The following CTNNA3 variants were observed in gnomAD, a reference collection of about 807,000 sequenced individuals.
CTNNA3 encodes the protein catenin alpha-3.
CTNNA3 carries 76 observed loss-of-function variants against 95.7 expected under a neutral mutation model. That is an observed-to-expected ratio of 0.79 (90% CI 0.66 to 0.96). The LOEUF (loss-of-function observed/expected upper bound fraction) is 0.96. CTNNA3 is among the 40% of genes least tolerant of loss of function. CTNNA3 has a pLI of 0.00. For synonymous variants in CTNNA3, 431 were observed against 374.4 expected (o/e 1.15, Z -1.74); for missense variants, 1,191 against 1,089.8 (o/e 1.09, Z -1.31).
At chr10:66,610,317 T>G (rs1372052575) in intron 10 of CTNNA3, among the ~76,000 whole-genome samples, 4 of 152,082 alleles carry the variant, frequency 2.6e-5, no homozygotes, top group African/African-American at 9.7e-5. Flanking sequence ...AACCCGCACA[T>G]GTACCCCTGA....
At chr10:67,641,422 C>G (rs1196861352) in intron 2 of CTNNA3, among the ~76,000 whole-genome samples, 2 of 152,152 alleles carry the variant, frequency 1.3e-5, no homozygotes, top group East Asian at 1.9e-4. Context: ...CTGTAAACTA[C>G]TTCAACCATT....
chr10:66,087,449 G>A (rs1363107851), intron 14 of CTNNA3, among the ~76,000 whole-genome samples: 1 of 152,130 alleles, frequency 6.6e-6, no homozygotes, highest in African/African-American at 2.4e-5. Flanking sequence ...GACCAGAGAT[G>A]CTGCTAAACA....
intron 7 of CTNNA3, among the ~76,000 whole-genome samples, chr10:67,071,063 A>G (rs981230801): frequency 6.6e-6 from 1 of 152,006 alleles, no homozygotes; most frequent in African/African-American, 2.4e-5. Flanking sequence ...TTCATTTATC[A>G]CTTCTTACTT....
At chr10:66,103,270 A>T in intron 13 of CTNNA3, 21 bp from the exon 14 acceptor site, 3 of 1,566,618 alleles carry the variant, frequency 1.9e-6, no homozygotes, top group Non-Finnish European at 2.6e-6. Flanking sequence ...AAAGCAAAAC[A>T]TTGCTAGTGG....
chr10:67,096,429 C>A (rs927051038), intron 7 of CTNNA3, among the ~76,000 whole-genome samples: 1 of 151,754 alleles, frequency 6.6e-6, no homozygotes, highest in African/African-American at 2.4e-5. Flanking sequence ...CTAATCTCAG[C>A]TAAGATCAGA....
intron 2 of CTNNA3, among the ~76,000 whole-genome samples, chr10:67,632,126 CCACACACACACACACACACACA>C (rs71006156): frequency 7.2e-6 from 1 of 138,964 alleles, no homozygotes; most frequent in Non-Finnish European, 1.6e-5. Flanking sequence ...AGTGTCTTAG[CCACACACACACACACACACACA>C]CACACACACA....
At chr10:66,807,973 C>A (rs1414496769) in intron 7 of CTNNA3, among the ~76,000 whole-genome samples, 1 of 152,036 alleles carries the variant, frequency 6.6e-6, no homozygotes, top group Non-Finnish European at 1.5e-5. Flanking sequence ...TGGTTCTAGC[C>A]TCAGTATGCT....
At chr10:66,545,668 G>C (rs1160981351) in intron 10 of CTNNA3, among the ~76,000 whole-genome samples, 1 of 151,906 alleles carries the variant, frequency 6.6e-6, no homozygotes, top group Non-Finnish European at 1.5e-5. Flanking sequence ...GAGTATTTTT[G>C]ATATTTCACA....
At chr10:66,176,812 T>C (rs1278940071) in intron 13 of CTNNA3, among the ~76,000 whole-genome samples, 2 of 152,030 alleles carry the variant, frequency 1.3e-5, no homozygotes, top group Admixed American at 6.6e-5. Flanking sequence ...ATTTCTGTTG[T>C]TTATAAGCTA....
intron 7 of CTNNA3, among the ~76,000 whole-genome samples, chr10:67,058,244 G>A (rs1468993765): frequency 1.3e-5 from 2 of 152,110 alleles, no homozygotes; most frequent in Non-Finnish European, 2.9e-5. Context: ...ACTTACAAAA[G>A]TATTCTGGGA....
intron 7 of CTNNA3, among the ~76,000 whole-genome samples, chr10:67,153,306 T>C (rs1861166429): frequency 6.6e-6 from 1 of 152,312 alleles, no homozygotes; most frequent in East Asian, 1.9e-4. Context: ...TTTTGATTCA[T>C]GAGTGTATCC....
At chr10:66,076,494 C>T (rs2080563754) in intron 14 of CTNNA3, among the ~76,000 whole-genome samples, 1 of 151,538 alleles carries the variant, frequency 6.6e-6, no homozygotes, top group Non-Finnish European at 1.5e-5. Flanking sequence ...AAGTGGTATA[C>T]ATTTCTACAT....
At chr10:66,853,886 T>C (rs4497282) in intron 7 of CTNNA3, among the ~76,000 whole-genome samples, 43,953 of 151,794 alleles carry the variant, frequency 0.29, 7,164 homozygotes, top group East Asian at 0.54. Context: ...TGATTACAAG[T>C]TGTAGATCTG....
chr10:67,099,807 A>T (rs898158189), intron 7 of CTNNA3: 3 of 151,898 alleles, frequency 2.0e-5, no homozygotes, highest in East Asian at 1.9e-4. Flanking sequence ...TCTAATTTTA[A>T]TCTTTATGTT....
intron 5 of CTNNA3, among the ~76,000 whole-genome samples, chr10:67,304,014 C>G (rs567904644): frequency 5.9e-5 from 9 of 152,264 alleles, no homozygotes; most frequent in Admixed American, 4.6e-4. Context: ...TGGGCTTACT[C>G]TTGCTTTCAG....
intron 9 of CTNNA3, among the ~76,000 whole-genome samples, chr10:66,682,247 G>T (rs1215613319): frequency 1.3e-5 from 2 of 152,122 alleles, no homozygotes; most frequent in Non-Finnish European, 2.9e-5. Context: ...GCTTTGGAAT[G>T]ACCTCGGACT....
At chr10:66,114,815 G>T (rs551998748) in intron 13 of CTNNA3, among the ~76,000 whole-genome samples, 1 of 151,486 alleles carries the variant, frequency 6.6e-6, no homozygotes, top group Non-Finnish European at 1.5e-5. Context: ...GGAGGCAGAG[G>T]TTGCCATGAG....
At chr10:66,585,372 T>C (rs920660046) in intron 10 of CTNNA3, among the ~76,000 whole-genome samples, 1 of 151,998 alleles carries the variant, frequency 6.6e-6, no homozygotes, top group Non-Finnish European at 1.5e-5. Flanking sequence ...TCTTGAGACT[T>C]TCCTTCTTCT....
At chr10:66,956,123 T>C (rs1464513701) in intron 7 of CTNNA3, among the ~76,000 whole-genome samples, 2 of 151,934 alleles carry the variant, frequency 1.3e-5, no homozygotes. Flanking sequence ...AGAAGAACCT[T>C]TTTGCTTGTT....
Sources: allele counts gnomAD v4.1 joint callset (sites outside exome capture counted in the v4.1 genomes callset), GRCh38; gene constraint gnomAD v4.1.1; transcripts MANE v1.5; gene names NCBI Gene and HGNC (gene_info 2026-07-23, HGNC 2026-07-21).